The following ABCA12 variants were observed in gnomAD, a reference collection of about 807,000 sequenced individuals.
ABCA12 encodes glucosylceramide transporter ABCA12.
In ABCA12, 156 loss-of-function variants were observed where a neutral mutation model predicts 293.5. The observed-to-expected ratio is 0.53, with a 90% CI of 0.47 to 0.61. The LOEUF is 0.61. Ranked by LOEUF, ABCA12 falls within the 20% of genes least tolerant of loss-of-function variation. The pLI is 0.00. For synonymous variants in ABCA12, 1,063 were observed against 1,108.0 expected, an observed-to-expected ratio of 0.96 and a Z score of 0.81; for missense variants, 2,797 against 3,090.2, an observed-to-expected ratio of 0.91 and a Z score of 2.25.
intron 3 of ABCA12, among the ~76,000 whole-genome samples, chr2:215,057,260 GGTT>G (rs1158653001): frequency 6.6e-6 from 1 of 152,032 alleles, no homozygotes; most frequent in Non-Finnish European, 1.5e-5. Flanking sequence ...TACTTTGCAA[GGTT>G]GTTATGAGTA....
chr2:215,056,489 G>T (rs1701423210), intron 3 of ABCA12, among the ~76,000 whole-genome samples: 2 of 152,028 alleles, frequency 1.3e-5, no homozygotes, highest in Non-Finnish European at 2.9e-5. Context: ...GTGTGACATG[G>T]TTGCCCACAT....
At chr2:215,042,457 G>A (rs1432394033) in intron 7 of ABCA12, 3 of 151,982 alleles carry the variant, frequency 2.0e-5, no homozygotes, top group East Asian at 1.9e-4. Context: ...ATGTTGCCCA[G>A]GCTAGTCTTG....
rs1260934279 is a variant in ABCA12, at chr2:214,987,800, T to C, written c.3830-7A>G. The C allele has an allele frequency of 6.2e-7, 1 of 1,612,962 alleles. No homozygotes were observed. The highest frequency in any genetic ancestry group is 2.2e-5 in the East Asian group (1 of 44,830). On this transcript the variant is annotated splice_polypyrimidine_tract_variant and splice_region_variant and intron_variant, in intron 26 of 52. Transcript: ENST00000272895. Reference sequence around the variant, plus strand: ...GCTGCCATACCGTATGTCCCTGGAATAAAAATATATCAGGAACAGTGAGTT... The same window carrying C: ...GCTGCCATACCGTATGTCCCTGGAACAAAAATATATCAGGAACAGTGAGTT...
At chr2:215,064,965 T>C (rs1388153801) in intron 2 of ABCA12, among the ~76,000 whole-genome samples, 4 of 152,012 alleles carry the variant, frequency 2.6e-5, no homozygotes, top group African/African-American at 9.7e-5. Context: ...TTATCCTATA[T>C]ACACAACTTC....
chr2:215,046,820 A>T lies in ABCA12; in HGVS notation c.694-805T>A, dbSNP rs1369485455. On this transcript the variant is annotated intron_variant, in intron 6 of 52. Coordinates refer to ENST00000272895, the MANE Select transcript of ABCA12 (RefSeq NM_173076.3). ...TCATAATAGCAAAGACATGAAATCA[A>T]CCCAAATGCCCATAAATGATAGACT... Among the ~76,000 whole-genome samples, 3 of 152,260 alleles carry T rather than the reference A, an allele frequency of 2.0e-5. No homozygotes were observed. In the East Asian group the frequency reaches 5.8e-4, roughly 29 times the overall value.
In ABCA12 at chr2:215,130,066, T is replaced by C. The variant is rs1703019523; in HGVS notation, c.69+8074A>G. Among the ~76,000 whole-genome samples, 3 of 152,302 alleles carry C rather than the reference T, an allele frequency of 2.0e-5. 1 individual carries two copies. The highest frequency in any genetic ancestry group is 7.2e-5 in the African/African-American group (3 of 41,572). On this transcript the variant is annotated intron_variant, in intron 1 of 52. Transcript: ENST00000272895. ...TGTGGCTTTATTTTGGGGTTCTCTA[T>C]TCTGTTCCATTGATCTGTGTCTATT... is the stretch of plus-strand genomic sequence containing the variant.
rs60341150 is a variant in ABCA12 at position 214,989,210 on chromosome 2, A to AT, written c.3829+118_3829+119insA. 25 of 149,560 alleles carry AT rather than the reference A, an allele frequency of 1.7e-4. 1 individual carries two copies. Among genetic ancestry groups the AT allele is most frequent in the East Asian group, 6.3e-4 (3 of 4,780 alleles). The allele number at this position is 149,560 out of a possible 1,614,324, so 9.3% of individuals were successfully genotyped here. On this transcript the variant is annotated intron_variant, in intron 26 of 52. Transcript: ENST00000272895. ...TACATATATATATATATATATATAT[A>AT]ATATTTTTATTTTTTAATTTAAAAA... is the stretch of plus-strand genomic sequence containing the variant.
At chr2:214,945,552 T>C (rs1440929884) in intron 48 of ABCA12, among the ~76,000 whole-genome samples, 1 of 152,190 alleles carries the variant, frequency 6.6e-6, no homozygotes, top group Non-Finnish European at 1.5e-5. Context: ...TGAGATATAT[T>C]TTTAGTTTTC....
intron 39 of ABCA12, among the ~76,000 whole-genome samples, chr2:214,965,805 A>G (rs974125379): frequency 6.6e-5 from 10 of 152,230 alleles, no homozygotes; most frequent in African/African-American, 2.4e-4. Flanking sequence ...AATTAGTTCA[A>G]CCATTGTGGA....
At chr2:215,133,744 A>G (rs528939617) in intron 1 of ABCA12, among the ~76,000 whole-genome samples, 27 of 152,276 alleles carry the variant, frequency 1.8e-4, no homozygotes, top group African/African-American at 6.0e-4. Context: ...TGGCAATACA[A>G]TTGAGAACTG....
In ABCA12 at chr2:214,982,208, C is replaced by T; in HGVS notation, c.4558G>A (p.Val1520Ile). ...ATACCAGTTTTGTTCTTGGATATAA[C>T]ATCCCATATACTTCGGCGAGAACAT... Reference protein sequence around the residue: ...DPCSRRSIWDVISKNKTARTI... With the variant: ...DPCSRRSIWDIISKNKTARTI... Residue 1520 changes from valine to isoleucine, a missense_variant, in exon 30 of 53, where the codon GTT (valine) becomes ATT (isoleucine). Transcript: ENST00000272895. 2 of 1,613,930 alleles carry T rather than the reference C, an allele frequency of 1.2e-6. No homozygotes were observed. Among genetic ancestry groups the T allele is most frequent in the Non-Finnish European group, 1.7e-6 (2 of 1,179,932 alleles).
intron 5 of ABCA12, chr2:215,050,916 C>T (rs1293015179): frequency 1.6e-6 from 1 of 622,808 alleles, no homozygotes; most frequent in African/African-American, 2.0e-5. Context: ...TACATCCCTT[C>T]CCTGCTCCAA....
At chr2:215,035,798 G>T (rs1425253546) in intron 8 of ABCA12, 1 of 151,624 alleles carries the variant, frequency 6.6e-6, no homozygotes, top group African/African-American at 2.4e-5. Context: ...TGCTTAATAA[G>T]AAATCCTGCT....
intron 2 of ABCA12, chr2:215,075,643 A>G: frequency 1.5e-6 from 1 of 663,028 alleles, no homozygotes; most frequent in South Asian, 1.6e-5. Flanking sequence ...AGCATGTTCA[A>G]GTATTAAGCA....
intron 3 of ABCA12, among the ~76,000 whole-genome samples, chr2:215,056,087 C>T (rs1471584906): frequency 6.6e-6 from 1 of 151,696 alleles, no homozygotes; most frequent in Non-Finnish European, 1.5e-5. Flanking sequence ...GGACTAGGGA[C>T]AGCAACAAAA....
intron 45 of ABCA12, 111 bp from the exon 46 acceptor site, chr2:214,949,260 A>T: frequency 2.5e-6 from 2 of 812,924 alleles, no homozygotes; most frequent in South Asian, 1.4e-5. Flanking sequence ...AGAAAAATAA[A>T]TCTCTGGAAT....
chr2:215,056,879 T>C (rs768782430), intron 3 of ABCA12, among the ~76,000 whole-genome samples: 2 of 152,098 alleles, frequency 1.3e-5, no homozygotes, highest in Non-Finnish European at 2.9e-5. Context: ...AGCAGGATCA[T>C]GTTTATAGAC....
rs1399748718 is a variant in ABCA12, at chr2:215,001,711, T to G, written c.2710A>C (p.Asn904His). ...TTAAGCTGATCGATGATGTCAATGT[T>G]GTTCTCTAATTTCAGTCTTAGAATA... ...LDILRLKLEN[N>H]IDIIDQLNTL... The change falls in exon 21 of 53, where the codon AAC becomes CAC. Residue 904 changes from asparagine (N) to histidine (H), a missense_variant. Physicochemically the swap from Asn to His is moderately conservative, Grantham distance 68 (BLOSUM62 1). Around this residue, in one of 3 missense-constraint regions of ABCA12, gnomAD observed 2,130 missense variants for 2,427.0 expected, o/e 0.88. Transcript: ENST00000272895. The G allele has an allele frequency of 6.2e-7, 1 of 1,613,476 alleles. No individual in the cohort carries two copies. The highest frequency in any genetic ancestry group is 2.2e-5 in the East Asian group (1 of 44,798).
chr2:214,939,862 G>T (rs1698340250), intron 50 of ABCA12, among the ~76,000 whole-genome samples: 1 of 152,188 alleles, frequency 6.6e-6, no homozygotes, highest in South Asian at 2.1e-4. Context: ...GGGATTTGGG[G>T]CTGAGAAGAT....
Sources: gnomAD v4.1 joint callset for allele counts (sites outside exome capture counted in the v4.1 genomes callset) on GRCh38, gnomAD v4.1.1 for gene constraint, gnomAD v4.1.1 regional missense constraint, MANE v1.5 for transcripts, NCBI Gene and HGNC (gene_info 2026-07-23, HGNC 2026-07-21) for gene names.